CSNK2A1: variants seen among roughly 807,000 people sequenced by gnomAD.
CSNK2A1 encodes the protein casein kinase II subunit alpha.
In CSNK2A1, 10 loss-of-function variants were observed where a neutral mutation model predicts 62.9. That is an observed-to-expected ratio of 0.16 (90% CI 0.10 to 0.27). CSNK2A1 has a LOEUF of 0.27. Ranked by LOEUF, CSNK2A1 falls within the 10% of genes least tolerant of loss-of-function variation. The pLI is 1.00. For missense variants in CSNK2A1, 160 were observed against 492.0 expected, an observed-to-expected ratio of 0.33 and a Z score of 6.38; for synonymous variants, 124 against 167.8, an observed-to-expected ratio of 0.74 and a Z score of 2.02.
Position 508,433 on chromosome 20 carries a change from G to C in CSNK2A1, c.101+18C>G. 1 of 1,613,376 alleles carries C rather than the reference G, an allele frequency of 6.2e-7. No individual in the cohort carries two copies. The highest frequency in any genetic ancestry group is 8.5e-7 in the Non-Finnish European group (1 of 1,179,584). On this transcript the variant is annotated intron_variant, in intron 3 of 13. Coordinates refer to ENST00000217244, the MANE Select transcript of CSNK2A1 (RefSeq NM_177559.3). ...CAGCCCTTTGAGTGAGTATAATGAA[G>C]TCAACAAAAACAATTACCCCCATTC...
chr20:529,386 T>C (rs994705897), intron 1 of CSNK2A1, among the ~76,000 whole-genome samples: 3 of 152,156 alleles, frequency 2.0e-5, no homozygotes, highest in Non-Finnish European at 4.4e-5. Flanking sequence ...TCTAGTACCA[T>C]CCAGCCCTGG....
rs145992997 is a variant in CSNK2A1 at position 513,892 on chromosome 20, C to T, written c.-109-5232G>A. Among the ~76,000 whole-genome samples, 8 of 152,304 alleles carry T rather than the reference C, an allele frequency of 5.3e-5. No individual in the cohort carries two copies. The East Asian group carries it at 1.2e-3, about 22-fold the overall frequency. The stretch of plus-strand genomic sequence containing the variant: ...AAAGAGGTGCTTCACCTTACTGTCA[C>T]GCATACCAAATAATCTGCTTATAGT... On this transcript the variant is annotated intron_variant, in intron 2 of 13. Transcript: ENST00000217244.
intron 6 of CSNK2A1, chr20:498,838 TA>T (rs2018400314): frequency 6.6e-6 from 1 of 152,526 alleles, no homozygotes; most frequent in Non-Finnish European, 1.5e-5. Flanking sequence ...CCCTGCCTTT[TA>T]AGATCTATAG....
chr20:518,108 G>A (rs1277318207), intron 2 of CSNK2A1, among the ~76,000 whole-genome samples: 4 of 152,150 alleles, frequency 2.6e-5, no homozygotes, highest in Non-Finnish European at 5.9e-5. Flanking sequence ...TGAGGCTACA[G>A]GCATGTGTCA....
At chr20:525,153 G>C (rs576707169) in intron 2 of CSNK2A1, among the ~76,000 whole-genome samples, 2 of 152,230 alleles carry the variant, frequency 1.3e-5, no homozygotes, top group Non-Finnish European at 2.9e-5. Flanking sequence ...ATAGGCTATA[G>C]AGAGTTTGTT....
chr20:532,330 ATTTT>A (rs138287291), intron 1 of CSNK2A1, among the ~76,000 whole-genome samples: 1 of 122,002 alleles, frequency 8.2e-6, no homozygotes, highest in Non-Finnish European at 1.7e-5. Context: ...TGCCCGGCTA[ATTTT>A]TTTTTTTTTT....
chr20:488,490 T>C (rs560591265), intron 11 of CSNK2A1, 188 bp downstream of exon 11: 29 of 539,194 alleles, frequency 5.4e-5, no homozygotes, highest in South Asian at 1.8e-4. Context: ...GTAAGTTAAT[T>C]TGAATAAAGG....
intron 4 of CSNK2A1, chr20:503,339 G>A (rs1009463492): frequency 7.6e-6 from 3 of 396,536 alleles, no homozygotes; most frequent in African/African-American, 6.2e-5. Context: ...GGATAAACAT[G>A]TCCTAGGTTA....
At position 487,443 on chromosome 20, in the gene CSNK2A1, C is replaced by A; in HGVS notation, c.957G>T (p.Met319Ile). 2.5e-6 allele frequency: 4 copies of A among 1,613,998 alleles called. No homozygotes were observed. The highest frequency in any genetic ancestry group is 3.4e-6 in the Non-Finnish European group (4 of 1,180,022). Residue 319 changes from methionine (M) to isoleucine (I), a missense_variant, in exon 12 of 14, where the codon ATG (methionine) becomes ATT (isoleucine). Around this residue, in one of 3 missense-constraint regions of CSNK2A1, gnomAD observed 51 missense variants for 108.8 expected, o/e 0.47. Coordinates refer to ENST00000217244, the MANE Select transcript of CSNK2A1 (RefSeq NM_177559.3). ...TGGACTCACAGAAATAGGGGTGCTCCATTGCCTCTCTTGCAGTAAGCCGTG... is the reference window on the plus strand; with the variant it reads ...TGGACTCACAGAAATAGGGGTGCTCAATTGCCTCTCTTGCAGTAAGCCGTG... ...HQSRLTAREAMEHPYFYTVVK... is the reference protein window; with the variant it reads ...HQSRLTAREAIEHPYFYTVVK...
intron 4 of CSNK2A1, 114 bp downstream of exon 4, chr20:505,004 T>C: frequency 1.2e-6 from 1 of 838,702 alleles, no homozygotes; most frequent in Non-Finnish European, 1.8e-6. Context: ...CAATAAAATT[T>C]TATTTATTTG....
chr20:527,446 C>T (rs2019120958), intron 2 of CSNK2A1, among the ~76,000 whole-genome samples: 1 of 152,204 alleles, frequency 6.6e-6, no homozygotes, highest in Non-Finnish European at 1.5e-5. Context: ...CTCTCCAGGT[C>T]TCTGTGCTTT....
In CSNK2A1 at chr20:499,612, G is replaced by C. The variant is rs2018416478; in HGVS notation, c.315+221C>G. ...ATGGATTAACACATTTCAGTTTCCAGTGCTATCAGTCTCTTAGCCTAGAAG... is the reference window on the plus strand; with the variant it reads ...ATGGATTAACACATTTCAGTTTCCACTGCTATCAGTCTCTTAGCCTAGAAG... On this transcript the variant is annotated intron_variant, in intron 5 of 13. Transcript: ENST00000217244. The surrounding 1 kb of genome is among the most constrained non-coding windows in gnomAD (Gnocchi z 4.2). 1 of 568,718 alleles carries C rather than the reference G, an allele frequency of 1.8e-6. No individual in the cohort carries two copies. Among genetic ancestry groups the C allele is most frequent in the East Asian group, 2.8e-5 (1 of 35,250 alleles). 35.2% of individuals were successfully genotyped at this position (568,718 alleles called of 1,614,324 possible). A position where few individuals can be genotyped will look rare whatever the true frequency, so the allele number is the denominator to read the frequency against.
intron 3 of CSNK2A1, 32 bp downstream of exon 3, chr20:508,415 TTGAG>T: frequency 1.2e-6 from 2 of 1,608,876 alleles, no homozygotes; most frequent in Non-Finnish European, 1.7e-6. Context: ...ATTCAGCCCT[TTGAG>T]TGAGTATAAT....
In CSNK2A1 at chr20:476,105, T is replaced by G. The variant is rs992926639; in HGVS notation, c.*7856A>C. The G allele has an allele frequency of 6.6e-6, 1 of 152,250 alleles. No homozygotes were observed. Among genetic ancestry groups the G allele is most frequent in the East Asian group, 1.9e-4 (1 of 5,204 alleles). 9.4% of individuals were successfully genotyped at this position (152,250 alleles called of 1,614,324 possible). On this transcript the variant is annotated 3_prime_UTR_variant, in exon 14 of 14. Transcript: ENST00000217244. Reference sequence around the variant, plus strand: ...GCAAAAGCAGCCCCACAAGCAAAATTGAGCCAGGAGACAGGGTTCTGATCC... The same window carrying G: ...GCAAAAGCAGCCCCACAAGCAAAATGGAGCCAGGAGACAGGGTTCTGATCC...
intron 12 of CSNK2A1, 137 bp downstream of exon 12, chr20:487,290 C>T (rs2018120812): frequency 4.9e-6 from 6 of 1,226,300 alleles, no homozygotes; most frequent in African/African-American, 1.5e-5. Context: ...GTTGCCATCA[C>T]TATCCCCACT....
In CSNK2A1 at chr20:530,009, A is replaced by G. The variant is rs77132095; in HGVS notation, c.-226-1960T>C. ...AATTGAGATAAAATCCATGTAACAT[A>G]AAACTCATCATTTTAGGGTACAATC... On this transcript the variant is annotated intron_variant, in intron 1 of 13. Coordinates refer to ENST00000217244, the MANE Select transcript of CSNK2A1 (RefSeq NM_177559.3). Among the ~76,000 whole-genome samples, 1,204 of 152,280 alleles carry G rather than the reference A, an allele frequency of 7.9e-3. 18 individuals are homozygous for G. Among genetic ancestry groups the G allele is most frequent in the African/African-American group, 0.028 (1,146 of 41,552 alleles).
intron 8 of CSNK2A1, 82 bp from the exon 9 acceptor site, chr20:492,446 T>C (rs2018255970): frequency 3.0e-6 from 4 of 1,351,308 alleles, no homozygotes; most frequent in African/African-American, 1.4e-5. Context: ...TGATAAAATA[T>C]ACCAGACACG....
intron 12 of CSNK2A1, 169 bp downstream of exon 12, chr20:487,258 C>A (rs962830053): frequency 1.5e-5 from 13 of 850,022 alleles, no homozygotes; most frequent in Non-Finnish European, 2.3e-5. Context: ...CAGAAGAATT[C>A]TTCCAGTAAT....
intron 1 of CSNK2A1, chr20:539,881 C>A (rs760051900): frequency 8.5e-5 from 13 of 152,252 alleles, no homozygotes; most frequent in Non-Finnish European, 2.9e-5. Context: ...GAAACAAGTT[C>A]TCTACTCCCA....
Sources: gnomAD v4.1 joint callset for allele counts (sites outside exome capture counted in the v4.1 genomes callset) on GRCh38, gnomAD v4.1.1 for gene constraint, gnomAD v4.1.1 regional missense constraint, Gnocchi (gnomAD v3.1) non-coding constraint, MANE v1.5 for transcripts, NCBI Gene and HGNC (gene_info 2026-07-23, HGNC 2026-07-21) for gene names.